AAK1: variants seen among roughly 807,000 people sequenced by gnomAD.
AAK1 encodes AP2-associated protein kinase 1.
Under a neutral mutation model 116.0 loss-of-function variants are expected in AAK1, and 37 were observed. That is an observed-to-expected ratio of 0.32 (90% CI 0.25 to 0.42). The LOEUF is 0.42. Ranked by LOEUF, AAK1 falls within the 10% of genes least tolerant of loss-of-function variation. The pLI, the probability that AAK1 is intolerant of heterozygous loss-of-function variation, is 1.00. For synonymous variants in AAK1, 458 were observed against 439.9 expected (o/e 1.04, Z -0.51); for missense variants, 919 against 1,170.6 (o/e 0.79, Z 3.14).
At chr2:69,545,674 G>T (rs1365219096) in intron 3 of AAK1, among the ~76,000 whole-genome samples, 2 of 152,204 alleles carry the variant, frequency 1.3e-5, no homozygotes, top group Non-Finnish European at 2.9e-5. Flanking sequence ...ACTCATTAGA[G>T]TCTTCCTCTG....
chr2:69,513,366 C>T (rs1161968217), intron 13 of AAK1, among the ~76,000 whole-genome samples: 2 of 151,738 alleles, frequency 1.3e-5, no homozygotes, highest in Non-Finnish European at 2.9e-5. Flanking sequence ...GTGGCCCAGG[C>T]TGGAGTGCAG....
intron 14 of AAK1, among the ~76,000 whole-genome samples, chr2:69,508,154 T>A (rs1326552537): frequency 1.6e-4 from 25 of 152,250 alleles, no homozygotes; most frequent in Admixed American, 1.6e-3. Flanking sequence ...TTCAGTCTTA[T>A]CTGCAAGTTG....
Position 69,540,121 on chromosome 2 carries a change from C to CTTTTTTTTTTTTTTTTTT in AAK1, c.534+2384_534+2401dup, listed in dbSNP as rs538276702. On this transcript the variant is annotated intron_variant, in intron 5 of 21. Transcript: ENST00000409085. Reference sequence around the variant, plus strand: ...AACATGCATTCCCTGCCCCACTTGCCTTTTTTTTTTTTTTTTTTGAGACAG... The same window carrying CTTTTTTTTTTTTTTTTTT: ...AACATGCATTCCCTGCCCCACTTGCCTTTTTTTTTTTTTTTTTTTTTTTTTTTTTTTTTTTTGAGACAG... Among the ~76,000 whole-genome samples the CTTTTTTTTTTTTTTTTTT allele has an allele frequency of 3.1e-5, 4 of 127,818 alleles. 2 individuals are homozygous for CTTTTTTTTTTTTTTTTTT. The allele number at this position is 127,818 out of a possible 152,430, so 83.9% of individuals were successfully genotyped here.
rs1574179008 is a variant in AAK1, at chr2:69,462,363, T to C, written c.*13506A>G. ...TGCACATGTACCCTAAAACTTAAAG[T>C]ATAATAATAATTTAAAAAAAAAAAA... On this transcript the variant is annotated 3_prime_UTR_variant, in exon 22 of 22. Transcript: ENST00000409085. 6.6e-6 allele frequency: 1 copy of C among 150,562 alleles called. No individual in the cohort carries two copies. Among genetic ancestry groups the C allele is most frequent in the East Asian group, 2.0e-4 (1 of 5,124 alleles). The allele number at this position is 150,562 out of a possible 1,614,324, so 9.3% of individuals were successfully genotyped here. A position where few individuals can be genotyped will look rare whatever the true frequency, so the allele number is the denominator to read the frequency against.
In AAK1 at chr2:69,462,388, A is replaced by G. The variant is rs1356814020; in HGVS notation, c.*13481T>C. ...TATAATAATAATTTAAAAAAAAAAA[A>G]AGAATTTCTGGGCCAGGTGCGGTGG... On this transcript the variant is annotated 3_prime_UTR_variant, in exon 22 of 22. Coordinates refer to ENST00000409085, the MANE Select transcript of AAK1 (RefSeq NM_014911.5). 6.6e-6 allele frequency: 1 copy of G among 152,032 alleles called. No individual in the cohort carries two copies. The highest frequency in any genetic ancestry group is 1.5e-5 in the Non-Finnish European group (1 of 68,020). 9.4% of individuals were successfully genotyped at this position (152,032 alleles called of 1,614,324 possible). A position where few individuals can be genotyped will look rare whatever the true frequency, so the allele number is the denominator to read the frequency against.
intron 2 of AAK1, among the ~76,000 whole-genome samples, chr2:69,584,715 C>T (rs142130997): frequency 2.1e-4 from 32 of 152,340 alleles, no homozygotes; most frequent in African/African-American, 6.7e-4. Context: ...GGTATCCTCA[C>T]GCACACAGGC....
At chr2:69,616,623 T>C (rs1184492426) in intron 2 of AAK1, among the ~76,000 whole-genome samples, 1 of 152,092 alleles carries the variant, frequency 6.6e-6, no homozygotes, top group Non-Finnish European at 1.5e-5. Flanking sequence ...TTCACCAGCA[T>C]CCCTGACCTC....
Position 69,466,724 on chromosome 2 carries a change from C to A in AAK1, c.*9145G>T, listed in dbSNP as rs1288951509. 1.0e-6 allele frequency: 1 copy of A among 985,408 alleles called. No homozygotes were observed. The highest frequency in any genetic ancestry group is 1.2e-6 in the Non-Finnish European group (1 of 829,926). The allele number at this position is 985,408 out of a possible 1,614,324, so 61.0% of individuals were successfully genotyped here. ...CAAGGAAACTGCACACAAACTGGAACACAATCAACCACTGTCTCACGTTTT... is the reference window on the plus strand; with the variant it reads ...CAAGGAAACTGCACACAAACTGGAAAACAATCAACCACTGTCTCACGTTTT... On this transcript the variant is annotated 3_prime_UTR_variant, in exon 22 of 22. Transcript: ENST00000409085.
chr2:69,525,945 CACAAT>C (rs1359040958), intron 9 of AAK1, among the ~76,000 whole-genome samples: 1 of 152,146 alleles, frequency 6.6e-6, no homozygotes, highest in Non-Finnish European at 1.5e-5. Context: ...GAAACCAACA[CACAAT>C]ACTAGTTATA....
chr2:69,604,254 A>C (rs918166857), intron 2 of AAK1, among the ~76,000 whole-genome samples: 1 of 152,200 alleles, frequency 6.6e-6, no homozygotes. Context: ...AGCTTTACAC[A>C]GGAGGTGGAG....
intron 2 of AAK1, among the ~76,000 whole-genome samples, chr2:69,640,229 C>T (rs767720976): frequency 1.3e-5 from 2 of 152,050 alleles, no homozygotes; most frequent in African/African-American, 2.4e-5. Context: ...CTTGACCTTG[C>T]GTCAGAATCT....
rs530514600 is a variant in AAK1, at chr2:69,493,944, G to C, written c.2365+2041C>G. ...CAGCGCTCTCAGCTGAGATTAGAGG[G>C]GTAGGCAAGGGCCACACCACTTAGG... On this transcript the variant is annotated intron_variant, in intron 17 of 21. Transcript: ENST00000409085. Among the ~76,000 whole-genome samples the C allele has an allele frequency of 6.5e-4, 99 of 152,306 alleles. 1 individual carries two copies. In the South Asian group the frequency reaches 8.7e-3, roughly 13 times the overall value.
At chr2:69,488,021 C>T (rs1177048137) in intron 17 of AAK1, among the ~76,000 whole-genome samples, 1 of 151,982 alleles carries the variant, frequency 6.6e-6, no homozygotes, top group Non-Finnish European at 1.5e-5. Flanking sequence ...AAACTCCTGA[C>T]CTCAGGTGAT....
At chr2:69,635,261 C>T (rs982209442) in intron 2 of AAK1, among the ~76,000 whole-genome samples, 28 of 152,302 alleles carry the variant, frequency 1.8e-4, no homozygotes, top group African/African-American at 6.5e-4. Flanking sequence ...CACCTCACAT[C>T]CATTAGGATA....
In AAK1 at chr2:69,544,461, C is replaced by G. The variant is rs1237661136; in HGVS notation, c.366G>C (p.Val122=). 6.2e-7 allele frequency: 1 copy of G among 1,613,190 alleles called. No individual in the cohort carries two copies. Among genetic ancestry groups the G allele is most frequent in the African/African-American group, 1.3e-5 (1 of 74,910 alleles). The part of the protein sequence containing the change: ...NNVSSGDVWE[V]LILMDFCRGG... ...CTCTACAAAAGTCCATCAGAATGAG[C>G]ACTTCCCATACATCACCGCTACTCA... The change falls in exon 4 of 22, where the codon GTG becomes GTC. Residue 122 remains valine (V), a synonymous_variant. Transcript: ENST00000409085.
intron 2 of AAK1, among the ~76,000 whole-genome samples, chr2:69,616,397 G>A (rs544546015): frequency 3.0e-4 from 45 of 152,274 alleles, no homozygotes; most frequent in Admixed American, 5.9e-4. Flanking sequence ...AGAACGAAAA[G>A]AAAAAGGTGA....
chr2:69,492,848 G>A (rs1675584320), intron 17 of AAK1, among the ~76,000 whole-genome samples: 1 of 151,928 alleles, frequency 6.6e-6, no homozygotes. Context: ...TCATCAGTAT[G>A]GCTGAGAGTA....
At chr2:69,618,103 A>C (rs1019442993) in intron 2 of AAK1, among the ~76,000 whole-genome samples, 4 of 152,202 alleles carry the variant, frequency 2.6e-5, no homozygotes, top group Non-Finnish European at 5.9e-5. Flanking sequence ...CCAGCAATAA[A>C]ATACAAAAAG....
At chr2:69,643,542 C>A (rs1254763844) in intron 1 of AAK1, 33 bp downstream of exon 1, 25 of 1,227,608 alleles carry the variant, frequency 2.0e-5, no homozygotes, top group Non-Finnish European at 2.5e-5. Flanking sequence ...GTCTCCCCGC[C>A]GCCCCTCGAG....
Sources: gnomAD v4.1 joint callset for allele counts (sites outside exome capture counted in the v4.1 genomes callset) on GRCh38, gnomAD v4.1.1 for gene constraint, MANE v1.5 for transcripts, NCBI Gene and HGNC (gene_info 2026-07-23, HGNC 2026-07-21) for gene names.